HS2ST1: variants seen among roughly 807,000 people sequenced by gnomAD.
HS2ST1 encodes the protein heparan sulfate 2-O-sulfotransferase 1, also known as 2-O-sulfotransferase.
HS2ST1 carries 18 observed loss-of-function variants against 42.9 expected under a neutral mutation model. The observed-to-expected ratio is 0.42, with a 90% confidence interval of 0.29 to 0.62. The LOEUF (loss-of-function observed/expected upper bound fraction) is 0.62, where lower values mean the gene tolerates loss of function less well. Ranked by LOEUF, HS2ST1 falls within the 20% of genes least tolerant of loss-of-function variation. The pLI is 0.21. For synonymous variants in HS2ST1, 146 were observed against 152.9 expected (o/e 0.95, Z 0.33); for missense variants, 334 against 433.8 (o/e 0.77, Z 2.04).
At chr1:87,078,215 G>C (rs1421770213) in intron 2 of HS2ST1, among the ~76,000 whole-genome samples, 2 of 152,150 alleles carry the variant, frequency 1.3e-5, no homozygotes, top group African/African-American at 4.8e-5. Context: ...AAATGCTTTT[G>C]TTATCACAGA....
At chr1:87,089,026 CAT>C (rs1206253769) in intron 3 of HS2ST1, among the ~76,000 whole-genome samples, 2 of 151,998 alleles carry the variant, frequency 1.3e-5, no homozygotes, top group African/African-American at 4.8e-5. Context: ...GATTTCAAAA[CAT>C]AATGATTCCC....
chr1:87,031,640 C>G (rs1213584398), intron 1 of HS2ST1, among the ~76,000 whole-genome samples: 13 of 152,314 alleles, frequency 8.5e-5, no homozygotes, highest in African/African-American at 2.9e-4. Context: ...CACTTTGGTA[C>G]AAGCTCCTTA....
chr1:86,952,890 A>G (rs956716194), intron 1 of HS2ST1, among the ~76,000 whole-genome samples: 1 of 152,232 alleles, frequency 6.6e-6, no homozygotes. Context: ...TTCAACTTAA[A>G]GTCACTAGCT....
intron 1 of HS2ST1, among the ~76,000 whole-genome samples, chr1:87,050,912 C>G (rs945939808): frequency 2.0e-5 from 3 of 152,132 alleles, no homozygotes; most frequent in Non-Finnish European, 4.4e-5. Context: ...ACTAAACAGT[C>G]TTGACATGTA....
Position 86,972,908 on chromosome 1 carries a change from T to C in HS2ST1, c.124+57748T>C, listed in dbSNP as rs1648278131. ...CAGTCTATAATAGTTCTGCAGACTT[T>C]TTGTCTTCTATGGCTACACTTTGAG... On this transcript the variant is annotated intron_variant, in intron 1 of 6. Coordinates refer to ENST00000370550, the MANE Select transcript of HS2ST1 (RefSeq NM_012262.4). Among the ~76,000 whole-genome samples the C allele has an allele frequency of 2.0e-5, 3 of 152,246 alleles. No individual in the cohort carries two copies. The South Asian group carries it at 6.2e-4, about 32-fold the overall frequency.
At chr1:86,935,455 C>CTTTTTTTTTTTTTTT (rs552713297) in intron 1 of HS2ST1, among the ~76,000 whole-genome samples, 1 of 62,060 alleles carries the variant, frequency 1.6e-5, no homozygotes, top group East Asian at 3.7e-4. Context: ...TCTTTTTCTC[C>CTTTTTTTTTTTTTTT]TTTTTTTTTT....
intron 1 of HS2ST1, among the ~76,000 whole-genome samples, chr1:86,926,519 T>C (rs1340687806): frequency 6.6e-6 from 1 of 152,260 alleles, no homozygotes; most frequent in Admixed American, 6.5e-5. Context: ...ATCCTCATAC[T>C]ATGCTGATTT....
intron 1 of HS2ST1, among the ~76,000 whole-genome samples, chr1:86,994,903 A>C (rs1649055213): frequency 6.6e-6 from 1 of 152,140 alleles, no homozygotes; most frequent in African/African-American, 2.4e-5. Flanking sequence ...TAGGAATGTG[A>C]ATATTTCAAA....
At chr1:87,095,739 T>C (rs1652045353) in intron 4 of HS2ST1, among the ~76,000 whole-genome samples, 1 of 152,150 alleles carries the variant, frequency 6.6e-6, no homozygotes, top group Non-Finnish European at 1.5e-5. Context: ...TGTTTTGTTT[T>C]GTTTTGTTTT....
chr1:86,916,930 ATATAC>A lies in HS2ST1; in HGVS notation c.124+1772_124+1776del, dbSNP rs1216161352. On this transcript the variant is annotated intron_variant, in intron 1 of 6. Coordinates refer to ENST00000370550, the MANE Select transcript of HS2ST1 (RefSeq NM_012262.4). ...CTCCTTTCCTAACATTTCTTTCCCC[ATATAC>A]TTGAAAATTGCTTCCATAGACACAA... Among the ~76,000 whole-genome samples the A allele has an allele frequency of 2.0e-5, 3 of 152,306 alleles. No individual in the cohort carries two copies. In the East Asian group the frequency reaches 5.8e-4, roughly 29 times the overall value.
intron 1 of HS2ST1, among the ~76,000 whole-genome samples, chr1:86,926,260 G>C (rs559024330): frequency 6.6e-6 from 1 of 152,082 alleles, no homozygotes; most frequent in Non-Finnish European, 1.5e-5. Flanking sequence ...GTTCTTTTTT[G>C]GCCTCAGTTT....
At chr1:87,006,020 T>C (rs1412441101) in intron 1 of HS2ST1, among the ~76,000 whole-genome samples, 2 of 152,162 alleles carry the variant, frequency 1.3e-5, no homozygotes, top group Non-Finnish European at 2.9e-5. Flanking sequence ...TTCATAACTT[T>C]CTAAATATTA....
chr1:86,920,474 TAC>T (rs1238416504), intron 1 of HS2ST1, among the ~76,000 whole-genome samples: 1 of 151,308 alleles, frequency 6.6e-6, no homozygotes, highest in Non-Finnish European at 1.5e-5. Flanking sequence ...TTAATAGGAA[TAC>T]AGTTATTCTA....
intron 1 of HS2ST1, among the ~76,000 whole-genome samples, chr1:86,949,556 C>T (rs535839153): frequency 3.3e-5 from 5 of 152,170 alleles, no homozygotes; most frequent in East Asian, 1.9e-4. Flanking sequence ...GGTGACAGAG[C>T]GAGACTGCAT....
chr1:86,934,929 A>G (rs1329275932), intron 1 of HS2ST1: 1 of 139,990 alleles, frequency 7.1e-6, no homozygotes, highest in South Asian at 2.2e-4. Flanking sequence ...CTCCATCCCA[A>G]AAAAAAAAAA....
chr1:86,976,979 T>G (rs1648432567), intron 1 of HS2ST1, among the ~76,000 whole-genome samples: 1 of 151,472 alleles, frequency 6.6e-6, no homozygotes, highest in Non-Finnish European at 1.5e-5. Context: ...TGAGCCTGGT[T>G]TTTCAAGGAT....
intron 1 of HS2ST1, among the ~76,000 whole-genome samples, chr1:87,048,787 T>C (rs4508067): frequency 0.7 from 105,418 of 151,424 alleles, 38,990 homozygotes; most frequent in East Asian, 0.97. Context: ...ACATTGACTT[T>C]TGCATGTTAA....
intron 1 of HS2ST1, among the ~76,000 whole-genome samples, chr1:87,038,279 A>G (rs191652017): frequency 7.8e-4 from 119 of 152,248 alleles, no homozygotes; most frequent in Non-Finnish European, 1.5e-3. Context: ...GGCAAAGTCT[A>G]TCACTACCAC....
chr1:87,045,555 C>T, intron 1 of HS2ST1: 1 of 797,764 alleles, frequency 1.3e-6, no homozygotes, highest in Non-Finnish European at 2.3e-6. Flanking sequence ...ATCCAGTGCA[C>T]AAGGCACAAG....
Sources: gnomAD v4.1 joint callset for allele counts (sites outside exome capture counted in the v4.1 genomes callset) on GRCh38, gnomAD v4.1.1 for gene constraint, MANE v1.5 for transcripts, NCBI Gene and HGNC (gene_info 2026-07-23, HGNC 2026-07-21) for gene names.